The following NDUFA10 variants were observed in gnomAD, a reference collection of about 807,000 sequenced individuals.
NDUFA10 encodes NADH dehydrogenase [ubiquinone] 1 alpha subcomplex subunit 10, mitochondrial.
NDUFA10 carries 40 observed loss-of-function variants against 47.8 expected under a neutral mutation model. The observed-to-expected ratio is 0.84, with a 90% CI of 0.65 to 1.09. The LOEUF (loss-of-function observed/expected upper bound fraction) is 1.09. Ranked by LOEUF, NDUFA10 falls within the 50% of genes least tolerant of loss-of-function variation. The pLI, the probability that NDUFA10 is intolerant of heterozygous loss-of-function variation, is 0.00. For missense variants in NDUFA10, 413 were observed against 451.1 expected, an observed-to-expected ratio of 0.92 and a Z score of 0.76; for synonymous variants, 183 against 172.2, an observed-to-expected ratio of 1.06 and a Z score of -0.49.
chr2:239,899,511 C>G (rs565147990), intron 4 of NDUFA10, among the ~76,000 whole-genome samples: 23 of 150,846 alleles, frequency 1.5e-4, no homozygotes, highest in African/African-American at 5.6e-4. Context: ...GTGATGGTCC[C>G]TTCCACAATT....
Position 239,945,711 on chromosome 2 carries a change from T to C in NDUFA10, c.294+44363A>G, listed in dbSNP as rs1200990412. Among the ~76,000 whole-genome samples the C allele has an allele frequency of 6.6e-6, 1 of 152,210 alleles. No individual in the cohort carries two copies. The highest frequency in any genetic ancestry group is 6.5e-5 in the Admixed American group (1 of 15,292). On this transcript the variant is annotated intron_variant, in intron 4 of 5. Coordinates refer to the NDUFA10 transcript ENST00000419408. This position sits in a 1 kb window ranked among gnomAD's most constrained non-coding sequence, Gnocchi z 4.6. ...TCTCCAGAGCTTCCACCCAGTTACT[T>C]TGTATTTTTTAAACACACAATGAAT...
rs1288065388 is a variant in NDUFA10, at chr2:240,019,548, G to C, written c.461-909C>G. On this transcript the variant is annotated intron_variant, in intron 3 of 9. Coordinates refer to ENST00000252711, the MANE Select transcript of NDUFA10 (RefSeq NM_004544.4). Reference sequence around the variant, plus strand: ...AAAAAGAACGTGGAGGCCGGGCGCGGTGGCTCACGCCTGTAATCCCAGCAC... The same window carrying C: ...AAAAAGAACGTGGAGGCCGGGCGCGCTGGCTCACGCCTGTAATCCCAGCAC... Among the ~76,000 whole-genome samples the C allele has an allele frequency of 7.2e-5, 2 of 27,688 alleles. 1 individual carries two copies. The highest frequency in any genetic ancestry group is 1.6e-4 in the Non-Finnish European group (2 of 12,594). 18.2% of individuals were successfully genotyped at this position (27,688 alleles called of 152,430 possible). A position where few individuals can be genotyped will look rare whatever the true frequency, so the allele number is the denominator to read the frequency against.
At chr2:239,911,039 C>T (rs1464433101) in intron 4 of NDUFA10, among the ~76,000 whole-genome samples, 1 of 152,178 alleles carries the variant, frequency 6.6e-6, no homozygotes, top group Admixed American at 6.5e-5. Flanking sequence ...TGGTCTAGAC[C>T]CACCACACAC....
chr2:239,979,511 AT>A (rs1223148258), intron 9 of NDUFA10, among the ~76,000 whole-genome samples: 2 of 152,102 alleles, frequency 1.3e-5, no homozygotes, highest in Non-Finnish European at 2.9e-5. Flanking sequence ...AGTCTGCTTA[AT>A]TTTGAAAACC....
intron 4 of NDUFA10, among the ~76,000 whole-genome samples, chr2:239,932,741 G>A (rs925326956): frequency 2.0e-5 from 3 of 151,938 alleles, no homozygotes; most frequent in Non-Finnish European, 4.4e-5. Flanking sequence ...CACCATACCC[G>A]GCTAATTTTT....
chr2:239,952,683 C>T (rs1341029624), downstream of NDUFA10, among the ~76,000 whole-genome samples: 1 of 152,226 alleles, frequency 6.6e-6, no homozygotes, highest in Non-Finnish European at 1.5e-5. Context: ...TGTCACCACA[C>T]ATGGGACAGC....
intron 4 of NDUFA10, among the ~76,000 whole-genome samples, chr2:239,950,438 T>C (rs1486140609): frequency 6.6e-6 from 1 of 152,210 alleles, no homozygotes. Flanking sequence ...GGCATGACCT[T>C]TGGAAATCTG....
intron 4 of NDUFA10, among the ~76,000 whole-genome samples, chr2:239,950,550 C>T (rs540522260): frequency 6.6e-6 from 1 of 152,340 alleles, no homozygotes; most frequent in Non-Finnish European, 1.5e-5. Context: ...CTGGTGTCCT[C>T]GGTGTAAGGA....
chr2:239,939,807 GA>G (rs1694328767), intron 4 of NDUFA10, among the ~76,000 whole-genome samples: 1 of 152,238 alleles, frequency 6.6e-6, no homozygotes, highest in Admixed American at 6.5e-5. Flanking sequence ...TGGCCCTGGG[GA>G]CGGTCAGAAC....
At chr2:240,003,954 C>T (rs1434315652) in intron 8 of NDUFA10, among the ~76,000 whole-genome samples, 2 of 152,176 alleles carry the variant, frequency 1.3e-5, no homozygotes, top group Admixed American at 6.5e-5. Context: ...AAGGTCTGGG[C>T]CAAGACCTAC....
rs569808464 is a variant in NDUFA10, at chr2:239,944,107, G to A, written c.294+45967C>T. ...CTCCAGGTGCAGGGCACCGGTGCCC[G>A]CAAAATGAGCCACCCTGCCCCTGAC... On this transcript the variant is annotated intron_variant, in intron 4 of 5. Transcript: ENST00000419408. Among the ~76,000 whole-genome samples, 9 of 152,220 alleles carry A rather than the reference G, an allele frequency of 5.9e-5. No individual in the cohort carries two copies. The East Asian group carries it at 7.8e-4, about 13-fold the overall frequency.
rs192775152 is a variant in NDUFA10, at chr2:240,004,825, G to A, written c.890+385C>T. 8.0e-4 allele frequency among the ~76,000 whole-genome samples: 122 copies of A among 152,156 alleles called. 2 individuals carry two copies. In the South Asian group the frequency reaches 0.014, roughly 18 times the overall value. On this transcript the variant is annotated intron_variant, in intron 8 of 9. Transcript: ENST00000252711. ...CGAGAGAGGCCCTTTGTCACCCCTA[G>A]CTACTCACCACCCTGTTACTCAGGG... is the stretch of plus-strand genomic sequence containing the variant.
chr2:239,898,322 C>G (rs2106461338), intron 4 of NDUFA10, among the ~76,000 whole-genome samples: 1 of 152,364 alleles, frequency 6.6e-6, no homozygotes, highest in South Asian at 2.1e-4. Flanking sequence ...TTACAGCACT[C>G]AGGAGGTGCT....
chr2:240,010,260 T>C (rs1188572783), intron 6 of NDUFA10, among the ~76,000 whole-genome samples: 1 of 152,186 alleles, frequency 6.6e-6, no homozygotes, highest in African/African-American at 2.4e-5. Context: ...TATCTGTTCC[T>C]AAAACAGGAG....
chr2:239,935,388 G>T (rs1281302676), intron 4 of NDUFA10, among the ~76,000 whole-genome samples: 1 of 152,238 alleles, frequency 6.6e-6, no homozygotes, highest in Non-Finnish European at 1.5e-5. Flanking sequence ...ATTCATCGCT[G>T]ACCGGATTCC....
intron 4 of NDUFA10, among the ~76,000 whole-genome samples, chr2:239,950,909 T>C (rs1694540217): frequency 6.6e-6 from 1 of 152,234 alleles, no homozygotes; most frequent in African/African-American, 2.4e-5. Context: ...ACTGCTCCCA[T>C]GACTGCTTCA....
chr2:239,972,294 T>G (rs1202294954), intron 9 of NDUFA10, among the ~76,000 whole-genome samples: 1 of 152,106 alleles, frequency 6.6e-6, no homozygotes, highest in Non-Finnish European at 1.5e-5. Context: ...AAAAAAACGA[T>G]TGAGTGAGGG....
intron 4 of NDUFA10, among the ~76,000 whole-genome samples, chr2:239,904,573 C>T (rs1436765417): frequency 6.6e-6 from 1 of 152,202 alleles, no homozygotes; most frequent in Non-Finnish European, 1.5e-5. Context: ...GGGATTACAG[C>T]TGTCAGCCAC....
chr2:240,020,784 C>T (rs1697587808), intron 3 of NDUFA10, among the ~76,000 whole-genome samples: 1 of 152,136 alleles, frequency 6.6e-6, no homozygotes, highest in African/African-American at 2.4e-5. Flanking sequence ...ATCTCTGGGC[C>T]CTCCGGGACA....
Sources: allele counts gnomAD v4.1 joint callset (sites outside exome capture counted in the v4.1 genomes callset), GRCh38; gene constraint gnomAD v4.1.1; non-coding constraint Gnocchi (gnomAD v3.1); transcripts MANE v1.5; gene names NCBI Gene and HGNC (gene_info 2026-07-23, HGNC 2026-07-21).